The following NKAIN2 variants were observed in gnomAD, a reference collection of about 807,000 sequenced individuals.
NKAIN2 encodes sodium/potassium-transporting ATPase subunit beta-1-interacting protein 2.
Under a neutral mutation model 32.6 loss-of-function variants are expected in NKAIN2, and 14 were observed. That is an observed-to-expected ratio of 0.43 (90% CI 0.28 to 0.67). NKAIN2 has a LOEUF of 0.67. Ranked by LOEUF, NKAIN2 falls within the 30% of genes least tolerant of loss-of-function variation. The pLI is 0.17. For synonymous variants in NKAIN2, 80 were observed against 87.2 expected (o/e 0.92, Z 0.46); for missense variants, 198 against 258.3 (o/e 0.77, Z 1.60).
intron 1 of NKAIN2, among the ~76,000 whole-genome samples, chr6:123,997,135 T>C (rs980837195): frequency 1.3e-5 from 2 of 152,186 alleles, no homozygotes; most frequent in African/African-American, 4.8e-5. Context: ...CAACGTGTGA[T>C]CAGAAGATAA....
chr6:124,049,511 C>T (rs1392120856), intron 1 of NKAIN2, among the ~76,000 whole-genome samples: 2 of 152,034 alleles, frequency 1.3e-5, no homozygotes, highest in Non-Finnish European at 2.9e-5. Context: ...ATCACTCGGT[C>T]CACGATGAAT....
At chr6:124,686,120 G>A (rs1025384443) in intron 4 of NKAIN2, among the ~76,000 whole-genome samples, 1 of 151,928 alleles carries the variant, frequency 6.6e-6, no homozygotes, top group Admixed American at 6.6e-5. Flanking sequence ...GACTCTTTCA[G>A]CTCCTATAGG....
intron 2 of NKAIN2, among the ~76,000 whole-genome samples, chr6:124,317,708 TTTCTTAGTGC>T (rs1427581714): frequency 6.6e-6 from 1 of 152,048 alleles, no homozygotes; most frequent in East Asian, 1.9e-4. Context: ...AATGTACATA[TTTCTTAGTGC>T]TCAGGGAAAT....
At chr6:124,343,189 C>T (rs1439807439) in intron 2 of NKAIN2, among the ~76,000 whole-genome samples, 2 of 152,036 alleles carry the variant, frequency 1.3e-5, no homozygotes, top group Non-Finnish European at 2.9e-5. Flanking sequence ...GCATAGTATT[C>T]ATGGTGTATA....
At chr6:124,559,557 A>C (rs1780608777) in intron 3 of NKAIN2, among the ~76,000 whole-genome samples, 1 of 152,198 alleles carries the variant, frequency 6.6e-6, no homozygotes, top group South Asian at 2.1e-4. Flanking sequence ...CTAGACAAGG[A>C]GATGAATTGT....
At chr6:124,360,269 G>A (rs1483850373) in intron 3 of NKAIN2, among the ~76,000 whole-genome samples, 2 of 152,132 alleles carry the variant, frequency 1.3e-5, no homozygotes, top group Non-Finnish European at 2.9e-5. Flanking sequence ...TTTGGTATCA[G>A]GATGATGCTG....
intron 1 of NKAIN2, among the ~76,000 whole-genome samples, chr6:124,124,015 C>CG (rs1786025392): frequency 1.3e-5 from 1 of 76,446 alleles, no homozygotes; most frequent in African/African-American, 6.2e-5. Flanking sequence ...CTTCCATGTG[C>CG]ATTACTTTAT....
At chr6:124,596,661 AGG>A (rs752467528) in intron 3 of NKAIN2, among the ~76,000 whole-genome samples, 998 of 82,956 alleles carry the variant, frequency 0.012, 4 homozygotes, top group African/African-American at 0.039. Context: ...AATAAACCAT[AGG>A]GTGTGTGTGT....
At chr6:123,944,640 T>G (rs1348184121) in intron 1 of NKAIN2, among the ~76,000 whole-genome samples, 1 of 152,128 alleles carries the variant, frequency 6.6e-6, no homozygotes, top group African/African-American at 2.4e-5. Flanking sequence ...GACAAACACT[T>G]TGATAAGGAA....
intron 1 of NKAIN2, among the ~76,000 whole-genome samples, chr6:123,960,037 G>A (rs1430387974): frequency 6.6e-6 from 1 of 150,690 alleles, no homozygotes; most frequent in Non-Finnish European, 1.5e-5. Flanking sequence ...ATCTAAAGAG[G>A]TAAACACTGG....
At chr6:124,662,837 T>C (rs540460228) in intron 4 of NKAIN2, among the ~76,000 whole-genome samples, 18 of 152,286 alleles carry the variant, frequency 1.2e-4, no homozygotes, top group Middle Eastern at 3.4e-3. Flanking sequence ...TCTGGAAACA[T>C]TCACAAAGAT....
At chr6:124,155,464 A>G (rs887643074) in intron 1 of NKAIN2, among the ~76,000 whole-genome samples, 6 of 152,106 alleles carry the variant, frequency 3.9e-5, no homozygotes, top group African/African-American at 1.4e-4. Context: ...AAAAAAATTT[A>G]AATGTTGAAT....
intron 1 of NKAIN2, among the ~76,000 whole-genome samples, chr6:124,187,738 C>T (rs1459516837): frequency 6.6e-6 from 1 of 152,130 alleles, no homozygotes; most frequent in African/African-American, 2.4e-5. Context: ...CTTATGTCCA[C>T]GCAACTCTCT....
In NKAIN2 at chr6:123,911,782, C is replaced by CAT. The variant is rs376952328; in HGVS notation, c.54+107545_54+107546dup. 6.7e-3 allele frequency among the ~76,000 whole-genome samples: 708 copies of CAT among 105,594 alleles called. 35 individuals are homozygous for CAT. Among genetic ancestry groups the CAT allele is most frequent in the East Asian group, 0.016 (56 of 3,472 alleles). 69.3% of individuals were successfully genotyped at this position (105,594 alleles called of 152,430 possible). A position where few individuals can be genotyped will look rare whatever the true frequency, so the allele number is the denominator to read the frequency against. On this transcript the variant is annotated intron_variant, in intron 1 of 6. Transcript: ENST00000368417. ...AAATAGTCGTATATATACATACATA[C>CAT]ATATATATATATATATATGTATATA...
intron 1 of NKAIN2, among the ~76,000 whole-genome samples, chr6:124,057,856 A>G (rs1371713898): frequency 2.0e-5 from 3 of 152,006 alleles, no homozygotes; most frequent in African/African-American, 7.2e-5. Flanking sequence ...AGTTTAATGC[A>G]CTAGGAGTAT....
intron 1 of NKAIN2, among the ~76,000 whole-genome samples, chr6:124,139,174 C>T (rs544291648): frequency 3.5e-5 from 5 of 142,890 alleles, no homozygotes; most frequent in Non-Finnish European, 6.0e-5. Context: ...CTGCAAGCTC[C>T]GCTTCCCGGG....
intron 1 of NKAIN2, among the ~76,000 whole-genome samples, chr6:124,211,736 G>A (rs1281544307): frequency 1.3e-5 from 2 of 151,968 alleles, no homozygotes; most frequent in South Asian, 2.1e-4. Context: ...ATAGGCAATG[G>A]CTATTAATAT....
intron 1 of NKAIN2, among the ~76,000 whole-genome samples, chr6:124,282,568 C>T (rs1021974190): frequency 4.6e-5 from 7 of 152,190 alleles, no homozygotes; most frequent in Non-Finnish European, 1.0e-4. Context: ...ACAACTCTTG[C>T]TAAAGATTTC....
chr6:124,362,686 A>G (rs149811157), intron 3 of NKAIN2, among the ~76,000 whole-genome samples: 2 of 152,076 alleles, frequency 1.3e-5, no homozygotes, highest in African/African-American at 2.4e-5. Flanking sequence ...GGTCAATTCT[A>G]TTGTCACCTT....
Sources: gnomAD v4.1 joint callset for allele counts (sites outside exome capture counted in the v4.1 genomes callset) on GRCh38, gnomAD v4.1.1 for gene constraint, MANE v1.5 for transcripts, NCBI Gene and HGNC (gene_info 2026-07-23, HGNC 2026-07-21) for gene names.